SSH1: variants seen among roughly 807,000 people sequenced by gnomAD.
SSH1 encodes slingshot protein phosphatase 1.
In SSH1, 43 loss-of-function variants were observed where a neutral mutation model predicts 79.7. The observed-to-expected ratio is 0.54, with a 90% CI of 0.42 to 0.70. The LOEUF (loss-of-function observed/expected upper bound fraction) is 0.70, where lower values mean the gene tolerates loss of function less well. Among genes scored for constraint, SSH1 ranks in the 30% least tolerant of loss-of-function variants. The pLI, the probability that SSH1 is intolerant of heterozygous loss-of-function variation, is 0.00. For missense variants in SSH1, 1,206 were observed against 1,358.8 expected, an observed-to-expected ratio of 0.89 and a Z score of 1.77; for synonymous variants, 599 against 538.3, an observed-to-expected ratio of 1.11 and a Z score of -1.56.
intron 3 of SSH1, among the ~76,000 whole-genome samples, chr12:108,819,038 G>A (rs1251660889): frequency 6.6e-6 from 1 of 152,090 alleles, no homozygotes; most frequent in African/African-American, 2.4e-5. Flanking sequence ...ACAGGCATAA[G>A]CTACCCCACC....
intron 2 of SSH1, among the ~76,000 whole-genome samples, chr12:108,831,879 A>C (rs2137227138): frequency 6.6e-6 from 1 of 152,348 alleles, no homozygotes; most frequent in Non-Finnish European, 1.5e-5. Flanking sequence ...GTGAACTCAC[A>C]AATTCAAGTT....
In SSH1 at chr12:108,818,232, T is replaced by G; in HGVS notation, c.279+17A>C. 6.2e-7 allele frequency: 1 copy of G among 1,612,238 alleles called. No individual in the cohort carries two copies. The highest frequency in any genetic ancestry group is 8.5e-7 in the Non-Finnish European group (1 of 1,178,702). ...TAAAAAAAAATTTTTTAACTTGACATTCTCACTGCTTCTTACCAGCTTGAT... is the reference window on the plus strand; with the variant it reads ...TAAAAAAAAATTTTTTAACTTGACAGTCTCACTGCTTCTTACCAGCTTGAT... On this transcript the variant is annotated intron_variant, in intron 4 of 14. Coordinates refer to ENST00000326495, the MANE Select transcript of SSH1 (RefSeq NM_018984.4).
intron 1 of SSH1, among the ~76,000 whole-genome samples, chr12:108,854,274 G>A (rs1355203595): frequency 6.6e-6 from 1 of 152,224 alleles, no homozygotes; most frequent in African/African-American, 2.4e-5. Context: ...CTGGTCCCAA[G>A]TATCAACAGT....
chr12:108,799,672 A>G (rs2036903844), intron 12 of SSH1, among the ~76,000 whole-genome samples: 1 of 152,204 alleles, frequency 6.6e-6, no homozygotes, highest in African/African-American at 2.4e-5. Context: ...GCAAACTGAA[A>G]GCTGCAAGGC....
At chr12:108,809,927 G>A (rs2037491903) in intron 6 of SSH1, among the ~76,000 whole-genome samples, 169 bp from the exon 7 acceptor site, 1 of 152,150 alleles carries the variant, frequency 6.6e-6, no homozygotes, top group Non-Finnish European at 1.5e-5. Flanking sequence ...ACATGGGCAA[G>A]GGCAGAAAGA....
rs1234359362 is a variant in SSH1 at position 108,779,818 on chromosome 12, G to C, written c.*8170C>G. ...GCCTCCCGAGTAGCTGGGATTACAG[G>C]CGCCCGCCATCATGCCCGGCTAATT... is the stretch of plus-strand genomic sequence containing the variant. On this transcript the variant is annotated 3_prime_UTR_variant, in exon 15 of 15. Transcript: ENST00000326495. 1 of 152,190 alleles carries C rather than the reference G, an allele frequency of 6.6e-6. No individual in the cohort carries two copies. The highest frequency in any genetic ancestry group is 1.5e-5 in the Non-Finnish European group (1 of 68,058). 9.4% of individuals were successfully genotyped at this position (152,190 alleles called of 1,614,324 possible).
Position 108,787,271 on chromosome 12 carries a change from C to T in SSH1, c.*717G>A, listed in dbSNP as rs1397581421. 1 of 152,102 alleles carries T rather than the reference C, an allele frequency of 6.6e-6. No individual in the cohort carries two copies. 9.4% of individuals were successfully genotyped at this position (152,102 alleles called of 1,614,324 possible). A position where few individuals can be genotyped will look rare whatever the true frequency, so the allele number is the denominator to read the frequency against. The stretch of plus-strand genomic sequence containing the variant: ...ACCCATACATTTTCCCCACCGGACC[C>T]CTGTGCTGGTCAAACACGTAACAAC... On this transcript the variant is annotated 3_prime_UTR_variant, in exon 15 of 15. Transcript: ENST00000326495.
At chr12:108,831,977 C>G (rs1457632472) in intron 2 of SSH1, among the ~76,000 whole-genome samples, 1 of 152,134 alleles carries the variant, frequency 6.6e-6, no homozygotes, top group Non-Finnish European at 1.5e-5. Context: ...CACCTGAATG[C>G]CTGGTATACT....
intron 3 of SSH1, 152 bp downstream of exon 3, chr12:108,823,106 G>C (rs1465301884): frequency 9.5e-6 from 7 of 738,378 alleles, no homozygotes; most frequent in South Asian, 7.5e-5. Context: ...GCTCAAGAGA[G>C]AGCATCTGAG....
intron 2 of SSH1, among the ~76,000 whole-genome samples, chr12:108,841,161 T>G (rs2038767853): frequency 6.6e-6 from 1 of 152,220 alleles, no homozygotes; most frequent in Admixed American, 6.5e-5. Flanking sequence ...CCTCTCAAGA[T>G]GGACCCTAGG....
At chr12:108,853,219 A>C (rs115518590) in intron 1 of SSH1, 3 of 985,334 alleles carry the variant, frequency 3.0e-6, no homozygotes, top group South Asian at 4.7e-5. Flanking sequence ...AGACTTAAAC[A>C]TTTGATACGA....
intron 2 of SSH1, among the ~76,000 whole-genome samples, chr12:108,849,481 C>CA: frequency 6.6e-6 from 1 of 152,114 alleles, no homozygotes; most frequent in Non-Finnish European, 1.5e-5. Context: ...AGCTTGGCCC[C>CA]AGGAGTTCAA....
intron 1 of SSH1, among the ~76,000 whole-genome samples, chr12:108,854,683 G>A (rs780650916): frequency 6.6e-6 from 1 of 152,016 alleles, no homozygotes; most frequent in Non-Finnish European, 1.5e-5. Context: ...TTTAACTCTC[G>A]GTCACTCTCT....
At position 108,781,276 on chromosome 12, in the gene SSH1, T is replaced by C. The variant is rs1357894228; in HGVS notation, c.*6712A>G. The C allele has an allele frequency of 6.6e-6, 1 of 151,710 alleles. No homozygotes were observed. The highest frequency in any genetic ancestry group is 1.5e-5 in the Non-Finnish European group (1 of 67,952). 9.4% of individuals were successfully genotyped at this position (151,710 alleles called of 1,614,324 possible). ...TTTTAAATAAATAAATAAATAAATT[T>C]AGCTGGGTGCAGCAGTGTGTGGCTC... is the stretch of plus-strand genomic sequence containing the variant. On this transcript the variant is annotated 3_prime_UTR_variant, in exon 15 of 15. Coordinates refer to ENST00000326495, the MANE Select transcript of SSH1 (RefSeq NM_018984.4).
At chr12:108,794,341 C>A (rs1378850208) in intron 13 of SSH1, among the ~76,000 whole-genome samples, 1 of 152,190 alleles carries the variant, frequency 6.6e-6, no homozygotes, top group Non-Finnish European at 1.5e-5. Flanking sequence ...GGTGACAGAA[C>A]CGCAGGGCTT....
At chr12:108,819,413 G>T (rs1227391694) in intron 3 of SSH1, among the ~76,000 whole-genome samples, 2 of 152,220 alleles carry the variant, frequency 1.3e-5, no homozygotes, top group Non-Finnish European at 2.9e-5. Context: ...GGGGAAAGTT[G>T]TAAGGGAGGT....
chr12:108,793,994 G>A (rs2036630518), intron 13 of SSH1, among the ~76,000 whole-genome samples: 1 of 152,192 alleles, frequency 6.6e-6, no homozygotes, highest in African/African-American at 2.4e-5. Context: ...AGAGGTCAGT[G>A]AGATGCTCGC....
chr12:108,827,327 C>A, intron 2 of SSH1: 2 of 1,550,484 alleles, frequency 1.3e-6, no homozygotes, highest in Non-Finnish European at 1.7e-6. Context: ...ATGCAGAAGT[C>A]GGTAAAATAA....
chr12:108,796,456 T>C (rs2036756287), intron 13 of SSH1, among the ~76,000 whole-genome samples: 1 of 152,266 alleles, frequency 6.6e-6, no homozygotes, highest in East Asian at 1.9e-4. Flanking sequence ...AGTAGTTCTT[T>C]TCGTGATTTG....
Sources: gnomAD v4.1 joint callset for allele counts (sites outside exome capture counted in the v4.1 genomes callset) on GRCh38, gnomAD v4.1.1 for gene constraint, MANE v1.5 for transcripts, NCBI Gene and HGNC (gene_info 2026-07-23, HGNC 2026-07-21) for gene names.